Variants in ABCC9 observed in about 807,000 individuals in gnomAD.
ABCC9 encodes the protein ATP-binding cassette sub-family C member 9.
ABCC9 carries 95 observed loss-of-function variants against 188.3 expected under a neutral mutation model. The observed-to-expected ratio is 0.50, with a 90% confidence interval of 0.43 to 0.60. ABCC9 has a LOEUF of 0.60. Ranked by LOEUF, ABCC9 falls within the 20% of genes least tolerant of loss-of-function variation. ABCC9 has a pLI of 0.00. For synonymous variants in ABCC9, 659 were observed against 652.7 expected, an observed-to-expected ratio of 1.01 and a Z score of -0.15; for missense variants, 1,102 against 1,876.3, an observed-to-expected ratio of 0.59 and a Z score of 7.62.
At chr12:21,847,938 A>G (rs1314679219) in intron 25 of ABCC9, among the ~76,000 whole-genome samples, 1 of 152,188 alleles carries the variant, frequency 6.6e-6, no homozygotes, top group African/African-American at 2.4e-5. Context: ...CAACTGTAGT[A>G]AGACATATTC....
At chr12:21,904,624 G>C (rs1947941867) in intron 12 of ABCC9, among the ~76,000 whole-genome samples, 1 of 152,178 alleles carries the variant, frequency 6.6e-6, no homozygotes, top group South Asian at 2.1e-4. Flanking sequence ...CAAAGGGTCT[G>C]AACAGACACT....
At chr12:21,899,213 G>A (rs34243384) in intron 12 of ABCC9, among the ~76,000 whole-genome samples, 52,904 of 152,014 alleles carry the variant, frequency 0.35, 9,573 homozygotes, top group Admixed American at 0.39. Flanking sequence ...CAAGAGAATC[G>A]TTGCAATCAT....
chr12:21,876,012 A>G (rs1946326387), intron 16 of ABCC9, among the ~76,000 whole-genome samples: 1 of 152,176 alleles, frequency 6.6e-6, no homozygotes, highest in Non-Finnish European at 1.5e-5. Context: ...AGATCGCGCC[A>G]CTGCACTCCA....
chr12:21,875,119 G>A (rs1016936124), intron 17 of ABCC9, among the ~76,000 whole-genome samples: 13 of 152,268 alleles, frequency 8.5e-5, no homozygotes, highest in African/African-American at 2.4e-4. Context: ...TTTTGGTAGC[G>A]ATTGCATATT....
intron 20 of ABCC9, 118 bp downstream of exon 20, chr12:21,862,835 G>A (rs1032262108): frequency 7.0e-6 from 5 of 714,148 alleles, no homozygotes; most frequent in Admixed American, 2.4e-5. Context: ...GATGAAAACG[G>A]GGCCAGCAGG....
chr12:21,901,265 G>C (rs1325502883), intron 12 of ABCC9, among the ~76,000 whole-genome samples: 1 of 152,146 alleles, frequency 6.6e-6, no homozygotes, highest in Non-Finnish European at 1.5e-5. Context: ...GAGAGATTTT[G>C]TCACCACCAG....
chr12:21,916,876 G>GC, intron 6 of ABCC9, 61 bp downstream of exon 6: 4 of 1,465,390 alleles, frequency 2.7e-6, no homozygotes, highest in Non-Finnish European at 3.7e-6. Flanking sequence ...CTAGCTAACT[G>GC]TAATCTTTCA....
In ABCC9 at chr12:21,836,754, T is replaced by C. The variant is rs186344925; in HGVS notation, c.3566+1324A>G. ...CCCAGGCACTTTTCCCAGCTAATGA[T>C]GCCACAACAACAACAAAAAAAAGAA... On this transcript the variant is annotated intron_variant, in intron 30 of 39. Coordinates refer to ENST00000261200, the MANE Select transcript of ABCC9 (RefSeq NM_020297.4). 2.4e-3 allele frequency among the ~76,000 whole-genome samples: 368 copies of C among 152,126 alleles called. 1 individual carries two copies. Among genetic ancestry groups the C allele is most frequent in the African/African-American group, 8.4e-3 (348 of 41,510 alleles).
At chr12:21,811,728 G>C (rs1440957725) in intron 36 of ABCC9, among the ~76,000 whole-genome samples, 1 of 152,102 alleles carries the variant, frequency 6.6e-6, no homozygotes, top group Non-Finnish European at 1.5e-5. Context: ...CTGAGGTCAG[G>C]CCAGACACAC....
At position 21,835,230 on chromosome 12, in the gene ABCC9, C is replaced by T. The variant is rs574754020; in HGVS notation, c.3566+2848G>A. Among the ~76,000 whole-genome samples the T allele has an allele frequency of 4.6e-5, 7 of 152,264 alleles. No individual in the cohort carries two copies. In the South Asian group the frequency reaches 6.2e-4, roughly 14 times the overall value. ...TAACAGAAAGTAGTAGGTTGAGCAACGAAGTGTCCTTTAATTTATTCACAA... is the reference window on the plus strand; with the variant it reads ...TAACAGAAAGTAGTAGGTTGAGCAATGAAGTGTCCTTTAATTTATTCACAA... On this transcript the variant is annotated intron_variant, in intron 30 of 39. Transcript: ENST00000261200.
intron 25 of ABCC9, among the ~76,000 whole-genome samples, chr12:21,847,255 C>G (rs751485342): frequency 7.9e-5 from 12 of 152,104 alleles, no homozygotes; most frequent in Admixed American, 7.9e-4. Flanking sequence ...TCTTATAGCC[C>G]ATTAGAAATA....
At chr12:21,828,489 GTTC>G (rs1371299445) in intron 31 of ABCC9, 2 of 216,830 alleles carry the variant, frequency 9.2e-6, no homozygotes, top group Non-Finnish European at 1.9e-5. Context: ...GCTTGTGCTT[GTTC>G]TTCTACATTA....
At chr12:21,894,879 G>T (rs1437218927) in intron 13 of ABCC9, among the ~76,000 whole-genome samples, 1 of 152,188 alleles carries the variant, frequency 6.6e-6, no homozygotes, top group Non-Finnish European at 1.5e-5. Context: ...GCTCCATCTT[G>T]TTGTAAGAGT....
intron 15 of ABCC9, among the ~76,000 whole-genome samples, chr12:21,886,745 C>G (rs1946895402): frequency 6.6e-6 from 1 of 152,150 alleles, no homozygotes; most frequent in South Asian, 2.1e-4. Flanking sequence ...TCATCTTTCT[C>G]TTCTTCACCA....
intron 13 of ABCC9, 43 bp downstream of exon 13, chr12:21,895,232 A>G: frequency 6.4e-7 from 1 of 1,554,072 alleles, no homozygotes; most frequent in Non-Finnish European, 8.9e-7. Context: ...ATTTATAAAC[A>G]CTGACTTGGT....
rs868216525 is a variant in ABCC9, at chr12:21,834,786, T to C, written c.3566+3292A>G. 7.1e-5 allele frequency among the ~76,000 whole-genome samples: 10 copies of C among 141,594 alleles called. 1 individual carries two copies. Among genetic ancestry groups the C allele is most frequent in the South Asian group, 7.0e-4 (3 of 4,290 alleles). The allele number at this position is 141,594 out of a possible 152,430, so 92.9% of individuals were successfully genotyped here. On this transcript the variant is annotated intron_variant, in intron 30 of 39. Coordinates refer to ENST00000261200, the MANE Select transcript of ABCC9 (RefSeq NM_020297.4). Reference sequence around the variant, plus strand: ...TATACATATAGCATATATAACATTATACACACACACACACACACACACACA... The same window carrying C: ...TATACATATAGCATATATAACATTACACACACACACACACACACACACACA...
Position 21,936,713 on chromosome 12 carries a change from A to G in ABCC9, c.-20-19T>C, listed in dbSNP as rs757610503. On this transcript the variant is annotated intron_variant, in intron 2 of 39. Transcript: ENST00000261200. ...GTTTACTCTAAAAGGGAGAGAAATG[A>G]GAAAGAAAAATCCTCTTATTAGTAA... is the stretch of plus-strand genomic sequence containing the variant. The G allele has an allele frequency of 1.1e-5, 17 of 1,561,078 alleles. No homozygotes were observed. Among genetic ancestry groups the G allele is most frequent in the Non-Finnish European group, 1.5e-5 (17 of 1,135,692 alleles).
At chr12:21,863,928 G>T (rs576990146) in intron 19 of ABCC9, among the ~76,000 whole-genome samples, 4 of 152,064 alleles carry the variant, frequency 2.6e-5, no homozygotes, top group Admixed American at 6.6e-5. Flanking sequence ...ATACTATATA[G>T]TATGCTAGCA....
intron 31 of ABCC9, chr12:21,827,256 A>G: frequency 1.0e-6 from 1 of 985,332 alleles, no homozygotes; most frequent in Non-Finnish European, 1.2e-6. Context: ...AACAGAGCAT[A>G]TGGTTTGCTT....
Sources: allele counts gnomAD v4.1 joint callset (sites outside exome capture counted in the v4.1 genomes callset), GRCh38; gene constraint gnomAD v4.1.1; transcripts MANE v1.5; gene names NCBI Gene and HGNC (gene_info 2026-07-23, HGNC 2026-07-21).